KLHL22: variants seen among roughly 807,000 people sequenced by gnomAD.
KLHL22 encodes kelch-like protein 22.
A neutral mutation model predicts 60.7 loss-of-function variants in KLHL22; 18 were observed. The ratio of observed to expected loss-of-function variants is 0.30; its 90% CI spans 0.20 to 0.44. The LOEUF (loss-of-function observed/expected upper bound fraction) is 0.44. Among genes scored for constraint, KLHL22 ranks in the 20% least tolerant of loss-of-function variants. KLHL22 has a pLI of 1.00. For missense variants in KLHL22, 596 were observed against 852.3 expected, an observed-to-expected ratio of 0.70 and a Z score of 3.74; for synonymous variants, 355 against 354.5, an observed-to-expected ratio of 1.00 and a Z score of -0.01.
intron 2 of KLHL22, among the ~76,000 whole-genome samples, chr22:20,477,021 C>T (rs887331114): frequency 6.6e-6 from 1 of 151,226 alleles, no homozygotes; most frequent in Non-Finnish European, 1.5e-5. Flanking sequence ...CAAACTTTTA[C>T]CATTTTAAGA....
chr22:20,478,639 C>T (rs970284950), intron 2 of KLHL22, among the ~76,000 whole-genome samples: 23 of 149,772 alleles, frequency 1.5e-4, no homozygotes, highest in African/African-American at 4.9e-4. Context: ...CTCAGCCTCC[C>T]GAGTAGCTGG....
At chr22:20,488,908 G>T in intron 2 of KLHL22, 77 bp downstream of exon 2, 2 of 1,408,728 alleles carry the variant, frequency 1.4e-6, no homozygotes, top group Non-Finnish European at 1.9e-6. Context: ...ACCAGCCACT[G>T]TCACCGCCAG....
At chr22:20,455,314 C>CT (rs1601334223) in intron 5 of KLHL22, among the ~76,000 whole-genome samples, 1 of 152,244 alleles carries the variant, frequency 6.6e-6, no homozygotes, top group Non-Finnish European at 1.5e-5. Context: ...CAGGCTACTG[C>CT]TGTCTTCAGC....
At position 20,459,654 on chromosome 22, in the gene KLHL22, A is replaced by G. The variant is rs575255350; in HGVS notation, c.1113-1654T>C. Among the ~76,000 whole-genome samples the G allele has an allele frequency of 5.3e-5, 8 of 152,372 alleles. No homozygotes were observed. The South Asian group carries it at 1.7e-3, about 32-fold the overall frequency. On this transcript the variant is annotated intron_variant, in intron 4 of 6. Transcript: ENST00000328879. ...TAGACCTCAGTGTAGCCTCTGGCTC[A>G]GGACAGATTATGTTCTGTCTGCTGA...
intron 5 of KLHL22, among the ~76,000 whole-genome samples, chr22:20,454,578 G>C (rs1409279671): frequency 1.3e-5 from 2 of 152,176 alleles, no homozygotes; most frequent in Non-Finnish European, 2.9e-5. Flanking sequence ...GCTACAGGCA[G>C]TTGGCCTAGG....
chr22:20,485,792 C>T (rs1271125237), intron 2 of KLHL22, among the ~76,000 whole-genome samples: 4 of 151,412 alleles, frequency 2.6e-5, no homozygotes, highest in Non-Finnish European at 5.9e-5. Flanking sequence ...CACTTGAACC[C>T]GGGAGGCAGA....
chr22:20,479,597 C>T lies in KLHL22; in HGVS notation c.228-8082G>A, dbSNP rs562892709. On this transcript the variant is annotated intron_variant, in intron 2 of 6. Transcript: ENST00000328879. ...TGGTGCATGCCTATAGTCCCAGCTA[C>T]TTGGGAGGCTGAGGCAGAAGCATTG... Among the ~76,000 whole-genome samples the T allele has an allele frequency of 3.0e-3, 462 of 151,740 alleles. 4 individuals are homozygous for T. Among genetic ancestry groups the T allele is most frequent in the Middle Eastern group, 6.8e-3 (2 of 292 alleles).
intron 2 of KLHL22, 22 bp downstream of exon 2, chr22:20,488,963 C>G: frequency 6.2e-7 from 1 of 1,608,868 alleles, no homozygotes; most frequent in Non-Finnish European, 8.5e-7. Flanking sequence ...ATTCTTCTTA[C>G]AAACAGCTCT....
intron 6 of KLHL22, among the ~76,000 whole-genome samples, chr22:20,444,080 G>A (rs1289811705): frequency 6.6e-6 from 1 of 151,238 alleles, no homozygotes; most frequent in Non-Finnish European, 1.5e-5. Context: ...AAAAAGGAAG[G>A]GTAAAGCCAG....
chr22:20,493,564 G>A (rs376493264), intron 1 of KLHL22, among the ~76,000 whole-genome samples: 1 of 152,082 alleles, frequency 6.6e-6, no homozygotes, highest in Middle Eastern at 3.2e-3. Context: ...GATGAATCAC[G>A]AGGTCAGGAG....
intron 2 of KLHL22, chr22:20,475,182 C>T (rs1419094838): frequency 2.1e-5 from 3 of 140,222 alleles, no homozygotes; most frequent in African/African-American, 5.3e-5. Context: ...AGAAATTTGT[C>T]TTTTTTTTTT....
chr22:20,450,465 A>G, intron 5 of KLHL22: 2 of 1,609,940 alleles, frequency 1.2e-6, no homozygotes, highest in Non-Finnish European at 1.7e-6. Context: ...TTCAGTTGAA[A>G]GGTGTGAAAC....
At chr22:20,456,532 AC>A (rs1569127222) in intron 5 of KLHL22, 1 of 152,002 alleles carries the variant, frequency 6.6e-6, no homozygotes, top group Non-Finnish European at 1.5e-5. Flanking sequence ...TTCCCCCAAC[AC>A]CCTTCCTGGA....
At chr22:20,468,420 C>A (rs78391699) in intron 3 of KLHL22, among the ~76,000 whole-genome samples, 1 of 152,148 alleles carries the variant, frequency 6.6e-6, no homozygotes, top group African/African-American at 2.4e-5. Context: ...AAGCCCCATA[C>A]GAGGCTCACA....
intron 3 of KLHL22, among the ~76,000 whole-genome samples, chr22:20,467,799 C>G (rs2053258369): frequency 6.6e-6 from 1 of 152,302 alleles, no homozygotes; most frequent in South Asian, 2.1e-4. Flanking sequence ...GCTGGGACAA[C>G]AGACGCCCGC....
At chr22:20,455,824 G>A (rs1426461776) in intron 5 of KLHL22, among the ~76,000 whole-genome samples, 1 of 152,172 alleles carries the variant, frequency 6.6e-6, no homozygotes, top group Non-Finnish European at 1.5e-5. Context: ...TGCGCTGCTA[G>A]AAGACCACCC....
chr22:20,484,030 C>A (rs1279836025), intron 2 of KLHL22: 1 of 784,174 alleles, frequency 1.3e-6, no homozygotes. Context: ...ACCAGCCAGG[C>A]GCCATAGCTG....
intron 4 of KLHL22, 99 bp downstream of exon 4, chr22:20,464,759 G>A (rs1426122662): frequency 5.5e-6 from 4 of 722,286 alleles, no homozygotes; most frequent in Non-Finnish European, 9.2e-6. Context: ...TGATGCTCAT[G>A]TGAAAGGCTG....
At chr22:20,483,302 T>A in intron 2 of KLHL22, 1 of 712,348 alleles carries the variant, frequency 1.4e-6, no homozygotes, top group Non-Finnish European at 2.6e-6. Flanking sequence ...GACCAGTACT[T>A]GTCCAGCTCC....
Sources: allele counts gnomAD v4.1 joint callset (sites outside exome capture counted in the v4.1 genomes callset), GRCh38; gene constraint gnomAD v4.1.1; transcripts MANE v1.5; gene names NCBI Gene and HGNC (gene_info 2026-07-23, HGNC 2026-07-21).